Variants in MACROH2A1 observed in about 807,000 individuals in gnomAD.
MACROH2A1 encodes the protein core histone macro-H2A.1.
In MACROH2A1, 2 loss-of-function variants were observed where a neutral mutation model predicts 31.6. That is an observed-to-expected ratio of 0.06 (90% CI 0.03 to 0.20). MACROH2A1 has a LOEUF of 0.20. MACROH2A1 is among the 10% of genes least tolerant of loss of function. The pLI is 1.00. For missense variants in MACROH2A1, 230 were observed against 474.0 expected (o/e 0.49, Z 4.78); for synonymous variants, 169 against 189.6 (o/e 0.89, Z 0.89).
chr5:135,359,656 G>C, intron 5 of MACROH2A1: 1 of 985,150 alleles, frequency 1.0e-6, no homozygotes, highest in Non-Finnish European at 1.2e-6. Flanking sequence ...TTGACAGTGA[G>C]GGTTTAAAAA....
intron 7 of MACROH2A1, 161 bp downstream of exon 7, chr5:135,345,807 G>A (rs928445115): frequency 4.6e-5 from 26 of 568,110 alleles, no homozygotes; most frequent in African/African-American, 4.3e-4. Context: ...CCTGCATGTG[G>A]TGAAACTCTA....
At chr5:135,366,751 T>C (rs1304691841) in intron 4 of MACROH2A1, among the ~76,000 whole-genome samples, 4 of 152,200 alleles carry the variant, frequency 2.6e-5, no homozygotes, top group African/African-American at 9.6e-5. Flanking sequence ...CATACTCTTT[T>C]GTCCAAACTC....
At position 135,368,458 on chromosome 5, in the gene MACROH2A1, T is replaced by C. The variant is rs140643621; in HGVS notation, c.477+948A>G. ...ACAGATGCATTTCCAGGACTTCTTATTGAGGGTCTTGCAAAATACAGAGGT... is the reference window on the plus strand; with the variant it reads ...ACAGATGCATTTCCAGGACTTCTTACTGAGGGTCTTGCAAAATACAGAGGT... On this transcript the variant is annotated intron_variant, in intron 4 of 8. Transcript: ENST00000511689. Among the ~76,000 whole-genome samples the C allele has an allele frequency of 2.7e-3, 411 of 152,362 alleles. 2 individuals are homozygous for C. The highest frequency in any genetic ancestry group is 9.0e-3 in the African/African-American group (376 of 41,598).
chr5:135,362,959 A>T (rs552808252), intron 4 of MACROH2A1: 1 of 152,342 alleles, frequency 6.6e-6, no homozygotes, highest in East Asian at 1.9e-4. Flanking sequence ...CACAGGACAT[A>T]AAAGTGATAG....
chr5:135,347,162 C>T (rs1760944264), intron 6 of MACROH2A1: 1 of 152,216 alleles, frequency 6.6e-6, no homozygotes, highest in Admixed American at 6.5e-5. Context: ...TGCACCAGCC[C>T]AAATTCTCTT....
intron 5 of MACROH2A1, chr5:135,358,490 T>C: frequency 1.0e-6 from 1 of 985,394 alleles, no homozygotes; most frequent in Non-Finnish European, 1.2e-6. Context: ...TGTTTTGTTT[T>C]CACCACTAAA....
Position 135,352,956 on chromosome 5 carries a change from T to C in MACROH2A1, c.678A>G (p.Lys226=). The stretch of plus-strand genomic sequence containing the variant: ...CCCGTCCCCAATTACCTAGGTCATC[T>C]TTAAGGTCAATGTCAGCATTGGTAG... ...INPTNADIDL[K]DDLGNTLEKK... is the part of the protein sequence containing the mutation. The change falls in exon 6 of 9, where the codon AAA becomes AAG. Residue 226 remains lysine (K), a synonymous_variant. Transcript: ENST00000511689. 6.4e-7 allele frequency: 1 copy of C among 1,563,312 alleles called. No individual in the cohort carries two copies. Among genetic ancestry groups the C allele is most frequent in the Non-Finnish European group, 8.8e-7 (1 of 1,133,690 alleles).
intron 4 of MACROH2A1, among the ~76,000 whole-genome samples, chr5:135,365,258 G>A (rs1422586226): frequency 6.6e-6 from 1 of 152,164 alleles, no homozygotes. Context: ...AAACGTTAGG[G>A]ATTCCACAGG....
chr5:135,360,702 G>A (rs1284265851), intron 4 of MACROH2A1, 95 bp from the exon 5 acceptor site: 6 of 844,508 alleles, frequency 7.1e-6, no homozygotes, highest in Admixed American at 1.9e-5. Context: ...CACCCAAGGG[G>A]AAACAGGAAA....
In MACROH2A1 at chr5:135,398,987, C is replaced by A. The variant is rs1768474864; in HGVS notation, c.-34+75G>T. 1 of 149,492 alleles carries A rather than the reference C, an allele frequency of 6.7e-6. No individual in the cohort carries two copies. Among genetic ancestry groups the A allele is most frequent in the Non-Finnish European group, 1.5e-5 (1 of 67,168 alleles). The allele number at this position is 149,492 out of a possible 1,614,324, so 9.3% of individuals were successfully genotyped here. ...CACACCGGTGCGCGCCAGGCCGGGC[C>A]GCTCCCGGGCACCCGCGGCCGGACC... On this transcript the variant is annotated intron_variant, in intron 1 of 8. Transcript: ENST00000511689. The surrounding 1 kb of genome is among the most constrained non-coding windows in gnomAD (Gnocchi z 4.6).
intron 2 of MACROH2A1, among the ~76,000 whole-genome samples, chr5:135,375,780 A>G (rs967236210): frequency 2.0e-5 from 3 of 147,648 alleles, no homozygotes; most frequent in Non-Finnish European, 4.4e-5. Context: ...CTACAAGGCC[A>G]ACAACATGAC....
intron 4 of MACROH2A1, chr5:135,362,790 C>CA (rs1561612678): frequency 2.0e-5 from 3 of 152,000 alleles, no homozygotes; most frequent in East Asian, 3.9e-4. Context: ...TTATAAAAGT[C>CA]AAAAAACACT....
At chr5:135,362,907 T>C (rs548597533) in intron 4 of MACROH2A1, 1 of 152,186 alleles carries the variant, frequency 6.6e-6, no homozygotes, top group Non-Finnish European at 1.5e-5. Flanking sequence ...AAAAGAGAAA[T>C]AAGGAGAAAA....
At chr5:135,352,048 T>C (rs1298117432) in intron 6 of MACROH2A1, among the ~76,000 whole-genome samples, 2 of 152,124 alleles carry the variant, frequency 1.3e-5, no homozygotes, top group Non-Finnish European at 2.9e-5. Flanking sequence ...CCTGGGCCCA[T>C]GGAATGAGTG....
At chr5:135,371,511 T>C (rs1203978875) in intron 2 of MACROH2A1, among the ~76,000 whole-genome samples, 2 of 152,226 alleles carry the variant, frequency 1.3e-5, no homozygotes, top group Non-Finnish European at 2.9e-5. Flanking sequence ...TTACCTGCCA[T>C]CTGGGCACAG....
At chr5:135,374,855 T>C (rs1764645412) in intron 2 of MACROH2A1, among the ~76,000 whole-genome samples, 1 of 152,034 alleles carries the variant, frequency 6.6e-6, no homozygotes, top group African/African-American at 2.4e-5. Context: ...ATGGAATCCA[T>C]AAGAAACCAC....
chr5:135,357,887 T>C, intron 5 of MACROH2A1: 1 of 985,098 alleles, frequency 1.0e-6, no homozygotes, highest in Non-Finnish European at 1.2e-6. Context: ...GCTTCCTGAG[T>C]AGCTTAGCAA....
chr5:135,382,195 G>C (rs1765746627), intron 2 of MACROH2A1, among the ~76,000 whole-genome samples: 1 of 152,118 alleles, frequency 6.6e-6, no homozygotes, highest in African/African-American at 2.4e-5. Context: ...TTGTCTACCA[G>C]AAACAGGTTT....
chr5:135,360,690 A>G (rs1275669744), intron 4 of MACROH2A1, 83 bp from the exon 5 acceptor site: 3 of 945,188 alleles, frequency 3.2e-6, no homozygotes, highest in Non-Finnish European at 5.2e-6. Flanking sequence ...CCTCACCCAT[A>G]ACACCCAAGG....
Sources: gnomAD v4.1 joint callset for allele counts (sites outside exome capture counted in the v4.1 genomes callset) on GRCh38, gnomAD v4.1.1 for gene constraint, Gnocchi (gnomAD v3.1) non-coding constraint, MANE v1.5 for transcripts, NCBI Gene and HGNC (gene_info 2026-07-23, HGNC 2026-07-21) for gene names.